TACR1: variants seen among roughly 807,000 people sequenced by gnomAD.
TACR1 encodes substance-P receptor.
TACR1 carries 25 observed loss-of-function variants against 35.8 expected under a neutral mutation model. That is an observed-to-expected ratio of 0.70 (90% CI 0.51 to 0.98). TACR1 has a LOEUF of 0.98. Among genes scored for constraint, TACR1 ranks in the 50% least tolerant of loss-of-function variants. TACR1 has a pLI of 0.00. For missense variants in TACR1, 478 were observed against 522.9 expected, an observed-to-expected ratio of 0.91 and a Z score of 0.84; for synonymous variants, 195 against 206.7, an observed-to-expected ratio of 0.94 and a Z score of 0.48.
chr2:75,168,795 C>T (rs958103243), intron 1 of TACR1, among the ~76,000 whole-genome samples: 2 of 151,928 alleles, frequency 1.3e-5, no homozygotes, highest in African/African-American at 4.8e-5. Context: ...ATGTAAAAAG[C>T]GGATTACAAA....
intron 1 of TACR1, among the ~76,000 whole-genome samples, chr2:75,143,018 G>A (rs1241882109): frequency 6.6e-6 from 1 of 152,232 alleles, no homozygotes; most frequent in East Asian, 1.9e-4. Context: ...GCTTTGTAGA[G>A]GGGGTAATAT....
intron 2 of TACR1, among the ~76,000 whole-genome samples, chr2:75,083,430 AAC>A (rs1232433887): frequency 2.0e-5 from 3 of 152,288 alleles, no homozygotes; most frequent in African/African-American, 7.2e-5. Flanking sequence ...GTTCCATATG[AAC>A]TTTAGAGTAG....
chr2:75,089,674 G>T (rs1673266621), intron 2 of TACR1, among the ~76,000 whole-genome samples: 1 of 152,148 alleles, frequency 6.6e-6, no homozygotes, highest in Non-Finnish European at 1.5e-5. Context: ...TGGACACATT[G>T]CTGAGTCACA....
chr2:75,146,232 C>T (rs983884627), intron 1 of TACR1, among the ~76,000 whole-genome samples: 2 of 152,168 alleles, frequency 1.3e-5, no homozygotes, highest in African/African-American at 4.8e-5. Flanking sequence ...AAGCAATTCT[C>T]CCATCTCAGC....
chr2:75,126,568 G>A (rs1674076166), intron 1 of TACR1, among the ~76,000 whole-genome samples: 1 of 152,088 alleles, frequency 6.6e-6, no homozygotes, highest in Non-Finnish European at 1.5e-5. Context: ...ACACCCTCCT[G>A]GACAAAGGAA....
At chr2:75,080,589 G>A (rs1673069009) in intron 2 of TACR1, among the ~76,000 whole-genome samples, 1 of 152,108 alleles carries the variant, frequency 6.6e-6, no homozygotes, top group Non-Finnish European at 1.5e-5. Flanking sequence ...TTGGTTTAGG[G>A]GGAAATCACC....
intron 2 of TACR1, among the ~76,000 whole-genome samples, chr2:75,063,036 C>T (rs1441050114): frequency 6.6e-6 from 1 of 152,146 alleles, no homozygotes; most frequent in Non-Finnish European, 1.5e-5. Flanking sequence ...CACATGGTGG[C>T]AGACAGGAGA....
At chr2:75,112,984 G>A (rs1372752767) in intron 2 of TACR1, among the ~76,000 whole-genome samples, 1 of 152,094 alleles carries the variant, frequency 6.6e-6, no homozygotes, top group African/African-American at 2.4e-5. Flanking sequence ...GTCTTTGTTA[G>A]CTTTCTATAT....
At chr2:75,153,815 T>C (rs929043340) in intron 1 of TACR1, among the ~76,000 whole-genome samples, 15 of 152,194 alleles carry the variant, frequency 9.9e-5, no homozygotes, top group South Asian at 4.1e-4. Flanking sequence ...AAGGATTTAA[T>C]TCCTCACGTA....
At chr2:75,075,801 T>C (rs1187994394) in intron 2 of TACR1, among the ~76,000 whole-genome samples, 1 of 152,232 alleles carries the variant, frequency 6.6e-6, no homozygotes, top group African/African-American at 2.4e-5. Context: ...CAGAAGAAGA[T>C]ATTTTAAGCT....
intron 2 of TACR1, among the ~76,000 whole-genome samples, chr2:75,106,056 T>C (rs1215963609): frequency 6.6e-6 from 1 of 152,034 alleles, no homozygotes; most frequent in African/African-American, 2.4e-5. Flanking sequence ...TTGTGATAAA[T>C]GTACTATACT....
chr2:75,053,232 A>G lies in TACR1; in HGVS notation c.735+373T>C, dbSNP rs559281698. Among the ~76,000 whole-genome samples, 5 of 152,304 alleles carry G rather than the reference A, an allele frequency of 3.3e-5. No individual in the cohort carries two copies. In the East Asian group the frequency reaches 7.7e-4, roughly 24 times the overall value. On this transcript the variant is annotated intron_variant, in intron 3 of 4. Transcript: ENST00000305249. The stretch of plus-strand genomic sequence containing the variant: ...CCTGGAAACCCCTGATCCGTTCTTC[A>G]TCACTATAATTTTGTTCCTTTGAAT...
Position 75,135,985 on chromosome 2 carries a change from A to G in TACR1, c.390-15217T>C, listed in dbSNP as rs78011083. On this transcript the variant is annotated intron_variant, in intron 1 of 4. Transcript: ENST00000305249. ...TAAGAATGGTTGTTAGAGGCTCACTAGGGACACCAGGAACTAGTGGGTCAT... is the reference window on the plus strand; with the variant it reads ...TAAGAATGGTTGTTAGAGGCTCACTGGGGACACCAGGAACTAGTGGGTCAT... 2.7e-3 allele frequency among the ~76,000 whole-genome samples: 410 copies of G among 152,294 alleles called. 1 individual carries two copies. The highest frequency in any genetic ancestry group is 9.6e-3 in the African/African-American group (400 of 41,550).
At chr2:75,146,114 C>A (rs373102824) in intron 1 of TACR1, among the ~76,000 whole-genome samples, 1 of 151,940 alleles carries the variant, frequency 6.6e-6, no homozygotes, top group Non-Finnish European at 1.5e-5. Flanking sequence ...AGAGAAGAAC[C>A]TTTTTAAAAT....
rs1674223870 is a variant in TACR1, at chr2:75,133,735, A to T, written c.390-12967T>A. On this transcript the variant is annotated intron_variant, in intron 1 of 4. Coordinates refer to ENST00000305249, the MANE Select transcript of TACR1 (RefSeq NM_001058.4). ...ATATAAACATATATATTTGTCGGGGACATCTGAACCAGAGTAACTCCATCT... is the reference window on the plus strand; with the variant it reads ...ATATAAACATATATATTTGTCGGGGTCATCTGAACCAGAGTAACTCCATCT... 2.0e-5 allele frequency among the ~76,000 whole-genome samples: 3 copies of T among 152,312 alleles called. 1 individual carries two copies. The highest frequency in any genetic ancestry group is 4.2e-4 in the South Asian group (2 of 4,818).
At chr2:75,095,505 A>T (rs779134909) in intron 2 of TACR1, among the ~76,000 whole-genome samples, 4 of 152,122 alleles carry the variant, frequency 2.6e-5, no homozygotes, top group Non-Finnish European at 5.9e-5. Context: ...GGGCGTTTCG[A>T]GAGGGAAGAA....
intron 1 of TACR1, among the ~76,000 whole-genome samples, chr2:75,154,071 G>A (rs538280768): frequency 6.6e-6 from 1 of 152,102 alleles, no homozygotes; most frequent in Non-Finnish European, 1.5e-5. Flanking sequence ...GGGGGTGTGG[G>A]GCTTGCTGTG....
chr2:75,162,794 T>C (rs967990515), intron 1 of TACR1, among the ~76,000 whole-genome samples: 2 of 152,238 alleles, frequency 1.3e-5, no homozygotes, highest in Admixed American at 6.5e-5. Flanking sequence ...CATTGAAAGA[T>C]AGATGACTCA....
At chr2:75,179,449 C>G (rs1373582018) in intron 1 of TACR1, among the ~76,000 whole-genome samples, 1 of 152,156 alleles carries the variant, frequency 6.6e-6, no homozygotes, top group Non-Finnish European at 1.5e-5. Flanking sequence ...GCCAAATGAT[C>G]TTTTAAAACT....
Sources: gnomAD v4.1 joint callset for allele counts (sites outside exome capture counted in the v4.1 genomes callset) on GRCh38, gnomAD v4.1.1 for gene constraint, MANE v1.5 for transcripts, NCBI Gene and HGNC (gene_info 2026-07-23, HGNC 2026-07-21) for gene names.